STX17: variants seen among roughly 807,000 people sequenced by gnomAD.
STX17 encodes the protein syntaxin-17.
A neutral mutation model predicts 35.9 loss-of-function variants in STX17; 29 were observed. That is an observed-to-expected ratio of 0.81 (90% confidence interval 0.60 to 1.10). The LOEUF (loss-of-function observed/expected upper bound fraction) is 1.10. STX17 is among the 50% of genes least tolerant of loss of function. The probability of loss-of-function intolerance (pLI) is 0.00; values close to 1 mark genes in which losing one functional copy is unlikely to be tolerated. For synonymous variants in STX17, 92 were observed against 118.3 expected (o/e 0.78, Z 1.44); for missense variants, 312 against 352.3 (o/e 0.89, Z 0.92).
chr9:99,921,594 G>A (rs1828889746), intron 2 of STX17, among the ~76,000 whole-genome samples: 1 of 150,302 alleles, frequency 6.7e-6, no homozygotes, highest in Non-Finnish European at 1.5e-5. Context: ...ATTTCCACAC[G>A]CTCTCCCAAA....
At chr9:99,908,166 G>A (rs1446321080) in intron 1 of STX17, among the ~76,000 whole-genome samples, 1 of 152,114 alleles carries the variant, frequency 6.6e-6, no homozygotes. Flanking sequence ...CTTATTGCTC[G>A]TGAGGTTAAT....
At chr9:99,919,093 C>T (rs1473382815) in intron 2 of STX17, among the ~76,000 whole-genome samples, 1 of 152,154 alleles carries the variant, frequency 6.6e-6, no homozygotes, top group Non-Finnish European at 1.5e-5. Flanking sequence ...TCTAGCCTCT[C>T]CAGAGGCTGT....
intron 3 of STX17, among the ~76,000 whole-genome samples, chr9:99,930,961 CTTTTG>C (rs906135483): frequency 2.4e-4 from 36 of 152,056 alleles, no homozygotes; most frequent in African/African-American, 6.5e-4. Context: ...ATTTCCCAGT[CTTTTG>C]TTTTGTTTTG....
At position 99,974,123 on chromosome 9, in the gene STX17, A is replaced by G. The variant is rs1295913101; in HGVS notation, c.*5450A>G. ...TTTCAATTTCTTAACCTTCAAAACA[A>G]TGTCAGTGTTGTCACCTGTGCATTT... is the stretch of plus-strand genomic sequence containing the variant. On this transcript the variant is annotated 3_prime_UTR_variant, in exon 8 of 8. Coordinates refer to ENST00000259400, the MANE Select transcript of STX17 (RefSeq NM_017919.3). 6.6e-6 allele frequency among the ~76,000 whole-genome samples: 1 copy of G among 152,146 alleles called. No homozygotes were observed. Among genetic ancestry groups the G allele is most frequent in the African/African-American group, 2.4e-5 (1 of 41,424 alleles).
At chr9:99,920,617 T>C (rs1828867450) in intron 2 of STX17, among the ~76,000 whole-genome samples, 1 of 152,216 alleles carries the variant, frequency 6.6e-6, no homozygotes, top group Non-Finnish European at 1.5e-5. Flanking sequence ...ATGGCACTAC[T>C]TCAAACTACC....
At chr9:99,912,093 G>A (rs1356603478) in intron 1 of STX17, among the ~76,000 whole-genome samples, 1 of 152,174 alleles carries the variant, frequency 6.6e-6, no homozygotes, top group African/African-American at 2.4e-5. Context: ...GGGCGTGGTG[G>A]CATGTGCCTG....
chr9:99,922,065 C>T (rs1005692880), intron 2 of STX17, among the ~76,000 whole-genome samples: 2 of 152,166 alleles, frequency 1.3e-5, no homozygotes, highest in Admixed American at 6.5e-5. Context: ...AGCTCAGTTA[C>T]TTCCTACTCA....
chr9:99,963,088 T>C (rs1829858257), intron 6 of STX17, among the ~76,000 whole-genome samples: 2 of 152,222 alleles, frequency 1.3e-5, no homozygotes, highest in South Asian at 2.1e-4. Flanking sequence ...AAGTTACTTA[T>C]TGCCACTAAA....
chr9:99,958,768 G>A (rs867553142), intron 4 of STX17, among the ~76,000 whole-genome samples: 21 of 152,160 alleles, frequency 1.4e-4, no homozygotes, highest in African/African-American at 4.3e-4. Context: ...TGAATGATTG[G>A]TAAAACCAAT....
At chr9:99,918,323 G>C (rs1828819229) in intron 2 of STX17, among the ~76,000 whole-genome samples, 1 of 152,016 alleles carries the variant, frequency 6.6e-6, no homozygotes, top group Non-Finnish European at 1.5e-5. Context: ...TAGAGACGGG[G>C]TCTCACTATG....
chr9:99,939,012 C>T (rs1331238038), intron 3 of STX17, among the ~76,000 whole-genome samples: 1 of 152,100 alleles, frequency 6.6e-6, no homozygotes, highest in Non-Finnish European at 1.5e-5. Flanking sequence ...TCCGTAAGCA[C>T]ACAGATGCAC....
intron 2 of STX17, among the ~76,000 whole-genome samples, chr9:99,925,226 A>G (rs1828964757): frequency 6.6e-6 from 1 of 151,972 alleles, no homozygotes; most frequent in South Asian, 2.1e-4. Flanking sequence ...GTAATGTTAT[A>G]TATTTCACTT....
At chr9:99,964,682 T>C (rs1356888113) in intron 6 of STX17, among the ~76,000 whole-genome samples, 1 of 152,084 alleles carries the variant, frequency 6.6e-6, no homozygotes, top group Admixed American at 6.6e-5. Flanking sequence ...CCACCATTAA[T>C]GTTTAGAGCT....
In STX17 at chr9:99,941,210, T is replaced by C. The variant is rs73656925; in HGVS notation, c.190-9850T>C. The stretch of plus-strand genomic sequence containing the variant: ...GAAAGCATTCATTCTTTTACCATAT[T>C]GATTGAATCATACCATATACCAGGG... On this transcript the variant is annotated intron_variant, in intron 3 of 7. Coordinates refer to ENST00000259400, the MANE Select transcript of STX17 (RefSeq NM_017919.3). Among the ~76,000 whole-genome samples, 966 of 152,334 alleles carry C rather than the reference T, an allele frequency of 6.3e-3. 8 individuals carry two copies. The highest frequency in any genetic ancestry group is 0.022 in the African/African-American group (932 of 41,568).
At chr9:99,926,569 C>G (rs1828990190) in intron 2 of STX17, among the ~76,000 whole-genome samples, 1 of 151,774 alleles carries the variant, frequency 6.6e-6, no homozygotes, top group Admixed American at 6.6e-5. Flanking sequence ...ATAATCTGGG[C>G]TCACTGCAAG....
intron 2 of STX17, among the ~76,000 whole-genome samples, chr9:99,927,239 G>A (rs757621799): frequency 6.6e-5 from 10 of 152,150 alleles, no homozygotes; most frequent in Admixed American, 2.0e-4. Context: ...TTAAAATATC[G>A]CAACAGGTTA....
intron 3 of STX17, among the ~76,000 whole-genome samples, chr9:99,941,090 C>G (rs1829349759): frequency 6.6e-6 from 1 of 152,210 alleles, no homozygotes; most frequent in Non-Finnish European, 1.5e-5. Flanking sequence ...ATGCTAGTGA[C>G]TACACTTTTC....
In STX17 at chr9:99,974,129, G is replaced by T. The variant is rs932884876; in HGVS notation, c.*5456G>T. ...TTTCTTAACCTTCAAAACAATGTCA[G>T]TGTTGTCACCTGTGCATTTGATAGC... is the stretch of plus-strand genomic sequence containing the variant. On this transcript the variant is annotated 3_prime_UTR_variant, in exon 8 of 8. Coordinates refer to ENST00000259400, the MANE Select transcript of STX17 (RefSeq NM_017919.3). Among the ~76,000 whole-genome samples, 1 of 152,146 alleles carries T rather than the reference G, an allele frequency of 6.6e-6. No individual in the cohort carries two copies. The highest frequency in any genetic ancestry group is 6.5e-5 in the Admixed American group (1 of 15,268).
chr9:99,960,663 C>G (rs1162791262), intron 6 of STX17, among the ~76,000 whole-genome samples: 1 of 152,072 alleles, frequency 6.6e-6, no homozygotes, highest in African/African-American at 2.4e-5. Context: ...AGGCTGGTCT[C>G]AAACTCCTGA....
Sources: gnomAD v4.1 joint callset for allele counts (sites outside exome capture counted in the v4.1 genomes callset) on GRCh38, gnomAD v4.1.1 for gene constraint, MANE v1.5 for transcripts, NCBI Gene and HGNC (gene_info 2026-07-23, HGNC 2026-07-21) for gene names.